Variants in ARL17B observed in about 807,000 individuals in gnomAD.
ARL17B encodes ADP-ribosylation factor-like protein 17.
intron 3 of ARL17B, among the ~76,000 whole-genome samples, chr17:46,340,216 CTTTTT>C (rs1199032296): frequency 2.5e-5 from 2 of 81,348 alleles, no homozygotes; most frequent in East Asian, 2.4e-4. Context: ...GTTTTTTTTT[CTTTTT>C]TTTTTTCTTT....
intron 4 of ARL17B, among the ~76,000 whole-genome samples, chr17:46,286,477 G>A (rs1598077663): frequency 6.6e-6 from 1 of 152,282 alleles, no homozygotes; most frequent in East Asian, 1.9e-4. Context: ...CTATAATAAA[G>A]CACCATTTCA....
intron 4 of ARL17B, among the ~76,000 whole-genome samples, chr17:46,279,598 C>T (rs1434788700): frequency 6.8e-6 from 1 of 147,764 alleles, no homozygotes. Flanking sequence ...GTCTCCTGGG[C>T]TTAATCCTCC....
At chr17:46,312,759 C>T (rs1212851722) in intron 3 of ARL17B, among the ~76,000 whole-genome samples, 3 of 59,888 alleles carry the variant, frequency 5.0e-5, no homozygotes, top group African/African-American at 2.1e-4. Flanking sequence ...GTTTGAGAAT[C>T]CATACTTAAC....
At chr17:46,306,382 TG>T (rs2050563232) in intron 3 of ARL17B, 1 of 205,456 alleles carries the variant, frequency 4.9e-6, no homozygotes, top group Non-Finnish European at 1.1e-5. Flanking sequence ...ATTGGGTAGC[TG>T]GGTATAAGCC....
chr17:46,278,401 G>GTTTT (rs1464305633), intron 4 of ARL17B, among the ~76,000 whole-genome samples: 1 of 129,632 alleles, frequency 7.7e-6, no homozygotes, highest in Non-Finnish European at 1.6e-5. Flanking sequence ...GTTTTATTTT[G>GTTTT]TTTTTTTTTT....
chr17:46,280,236 C>T (rs1160444141), intron 4 of ARL17B, among the ~76,000 whole-genome samples: 3 of 152,160 alleles, frequency 2.0e-5, no homozygotes, highest in Admixed American at 6.5e-5. Flanking sequence ...TGGTGGCAGG[C>T]GCCTGTAATC....
rs1236501650 is a variant in ARL17B, at chr17:46,323,704, G to A, written c.260-24039C>T. ...GATCCACCTTGCCTGGCCTCACTCA[G>A]TAGAATTTTTTTTGAGATTATGCTA... On this transcript the variant is annotated intron_variant, in intron 3 of 4. Coordinates refer to the ARL17B transcript ENST00000434041. Among the ~76,000 whole-genome samples the A allele has an allele frequency of 2.9e-5, 3 of 104,562 alleles. 1 individual carries two copies. The highest frequency in any genetic ancestry group is 9.2e-5 in the African/African-American group (3 of 32,550). 68.6% of individuals were successfully genotyped at this position (104,562 alleles called of 152,430 possible).
intron 3 of ARL17B, among the ~76,000 whole-genome samples, chr17:46,321,380 A>AAT (rs1225907655): frequency 6.2e-5 from 4 of 64,772 alleles, no homozygotes; most frequent in Admixed American, 1.6e-4. Flanking sequence ...AAAAAAAAAA[A>AAT]TGTGGTCTCT....
intron 3 of ARL17B, chr17:46,310,589 CT>C (rs1399559511): frequency 1.7e-5 from 1 of 58,316 alleles, no homozygotes; most frequent in Non-Finnish European, 4.5e-5. Context: ...GACATGATGG[CT>C]GAGCACCGGC....
chr17:46,281,576 C>G (rs1174596692), intron 4 of ARL17B, among the ~76,000 whole-genome samples: 1 of 152,162 alleles, frequency 6.6e-6, no homozygotes, highest in Non-Finnish European at 1.5e-5. Context: ...ACTACAGGTG[C>G]ACGCCACTAT....
chr17:46,283,009 C>T (rs1196736272), intron 4 of ARL17B, among the ~76,000 whole-genome samples: 5 of 152,186 alleles, frequency 3.3e-5, no homozygotes, highest in Non-Finnish European at 1.5e-5. Flanking sequence ...GTCCCAACTA[C>T]GCGGGAGGCT....
At chr17:46,331,225 C>T (rs754036546), downstream of ARL17B, 1 of 724,892 alleles carries the variant, frequency 1.4e-6, no homozygotes, top group East Asian at 2.6e-5. Flanking sequence ...ACGTGACCCA[C>T]AGAACAACCA....
chr17:46,291,994 A>G (rs1334539502), intron 4 of ARL17B, among the ~76,000 whole-genome samples: 1 of 134,888 alleles, frequency 7.4e-6, no homozygotes, highest in Non-Finnish European at 1.6e-5. Context: ...AAAAGCCAAT[A>G]AAATCAATGG....
chr17:46,291,969 C>CAAAAAAAAAAAAAAAAAAAAAAAAAA (rs59554870), intron 4 of ARL17B, among the ~76,000 whole-genome samples: 1 of 58,086 alleles, frequency 1.7e-5, no homozygotes, highest in African/African-American at 7.2e-5. Context: ...TCTCAAAAAG[C>CAAAAAAAAAAAAAAAAAAAAAAAAAA]AAAAAAAAAA....
chr17:46,289,783 T>A (rs1448042205), intron 4 of ARL17B, among the ~76,000 whole-genome samples: 1 of 152,256 alleles, frequency 6.6e-6, no homozygotes, highest in Non-Finnish European at 1.5e-5. Context: ...AAAGAGTTTT[T>A]AATTTTTTTA....
chr17:46,278,526 C>T (rs1464228315), intron 4 of ARL17B, among the ~76,000 whole-genome samples: 1 of 151,736 alleles, frequency 6.6e-6, no homozygotes, highest in Admixed American at 6.6e-5. Context: ...ACCTCAGCCT[C>T]CTGAGTAGCT....
chr17:46,305,168 C>T (rs1232929979), intron 3 of ARL17B, among the ~76,000 whole-genome samples: 12 of 99,504 alleles, frequency 1.2e-4, no homozygotes, highest in African/African-American at 3.3e-4. Flanking sequence ...GCACCCGGCC[C>T]GACTATTTTT....
intron 4 of ARL17B, among the ~76,000 whole-genome samples, chr17:46,280,029 A>C (rs1483900690): frequency 6.6e-6 from 1 of 152,230 alleles, no homozygotes; most frequent in Admixed American, 6.5e-5. Context: ...CTTGAGTCAG[A>C]GTAATTCTCA....
At chr17:46,356,005 A>G (rs1464962265) in intron 2 of ARL17B, among the ~76,000 whole-genome samples, 1 of 139,148 alleles carries the variant, frequency 7.2e-6, no homozygotes. Flanking sequence ...CAATGGTGCA[A>G]TATCAGCTCA....
Sources: allele counts gnomAD v4.1 joint callset (sites outside exome capture counted in the v4.1 genomes callset), GRCh38; gene constraint gnomAD v4.1.1; transcripts MANE v1.5; gene names NCBI Gene and HGNC (gene_info 2026-07-23, HGNC 2026-07-21).